PCSK6: variants seen among roughly 807,000 people sequenced by gnomAD.
PCSK6 encodes the protein proprotein convertase subtilisin/kexin type 6.
A neutral mutation model predicts 123.3 loss-of-function variants in PCSK6; 85 were observed. That is an observed-to-expected ratio of 0.69 (90% CI 0.58 to 0.83). The LOEUF (loss-of-function observed/expected upper bound fraction) is 0.83. Ranked by LOEUF, PCSK6 falls within the 40% of genes least tolerant of loss-of-function variation. The pLI, the probability that PCSK6 is intolerant of heterozygous loss-of-function variation, is 0.00. For synonymous variants in PCSK6, 508 were observed against 516.0 expected, an observed-to-expected ratio of 0.98 and a Z score of 0.21; for missense variants, 1,191 against 1,282.3, an observed-to-expected ratio of 0.93 and a Z score of 1.09.
intron 1 of PCSK6, among the ~76,000 whole-genome samples, chr15:101,466,650 G>C (rs997776858): frequency 3.3e-5 from 5 of 152,124 alleles, no homozygotes; most frequent in African/African-American, 1.2e-4. Flanking sequence ...TCATTACAGT[G>C]GAATGTTATC....
At chr15:101,322,401 A>G in intron 18 of PCSK6, 119 bp downstream of exon 18, 1 of 679,368 alleles carries the variant, frequency 1.5e-6, no homozygotes, top group Non-Finnish European at 2.6e-6. Context: ...TTTACCCTCA[A>G]TGGCTTTGGG....
intron 6 of PCSK6, among the ~76,000 whole-genome samples, chr15:101,404,263 G>C (rs1215131798): frequency 6.6e-6 from 1 of 152,186 alleles, no homozygotes; most frequent in African/African-American, 2.4e-5. Context: ...TCTATTGTAA[G>C]TTCCTTTCCC....
At chr15:101,410,414 T>C (rs1353773271) in intron 6 of PCSK6, among the ~76,000 whole-genome samples, 1 of 152,132 alleles carries the variant, frequency 6.6e-6, no homozygotes, top group Non-Finnish European at 1.5e-5. Context: ...GAAGGAGAAC[T>C]ATGTGCCAGG....
intron 1 of PCSK6, among the ~76,000 whole-genome samples, chr15:101,465,409 G>A (rs2057434260): frequency 6.6e-6 from 1 of 152,228 alleles, no homozygotes; most frequent in African/African-American, 2.4e-5. Context: ...AGGACCATCT[G>A]ATGGTACGTC....
At chr15:101,307,141 T>A in intron 21 of PCSK6, 72 bp downstream of exon 21, 3 of 1,158,270 alleles carry the variant, frequency 2.6e-6, no homozygotes, top group Non-Finnish European at 3.8e-6. Context: ...GCTTTGCTTT[T>A]CTCTTTGGAG....
At chr15:101,359,998 C>A (rs8031210) in intron 13 of PCSK6, among the ~76,000 whole-genome samples, 11,626 of 152,156 alleles carry the variant, frequency 0.076, 1,223 homozygotes, top group African/African-American at 0.23. Context: ...ATCTTCCCCC[C>A]CTGCAATGTT....
intron 16 of PCSK6, among the ~76,000 whole-genome samples, chr15:101,326,112 A>C (rs2040246522): frequency 6.6e-6 from 1 of 152,244 alleles, no homozygotes; most frequent in South Asian, 2.1e-4. Context: ...ACTTCTCTTT[A>C]ACAACACAGA....
chr15:101,371,775 A>G (rs576860303), intron 11 of PCSK6, among the ~76,000 whole-genome samples: 134 of 152,320 alleles, frequency 8.8e-4, no homozygotes, highest in Non-Finnish European at 1.4e-3. Flanking sequence ...ACCCACAGTC[A>G]AGGACACAGC....
intron 2 of PCSK6, among the ~76,000 whole-genome samples, chr15:101,435,529 T>C (rs1303458815): frequency 6.6e-6 from 1 of 152,262 alleles, no homozygotes; most frequent in Admixed American, 6.5e-5. Context: ...ACTTTGAAGA[T>C]AGAACTTCAC....
At chr15:101,393,040 C>A (rs2141551679) in intron 8 of PCSK6, among the ~76,000 whole-genome samples, 172 bp downstream of exon 8, 1 of 152,328 alleles carries the variant, frequency 6.6e-6, no homozygotes, top group East Asian at 1.9e-4. Context: ...TGCCAAGGGA[C>A]TGGGGTTTAC....
At chr15:101,363,558 C>T (rs1304434458) in intron 13 of PCSK6, among the ~76,000 whole-genome samples, 3 of 152,172 alleles carry the variant, frequency 2.0e-5, no homozygotes, top group African/African-American at 7.2e-5. Flanking sequence ...AATTTAGGAG[C>T]TTCCACTATT....
intron 6 of PCSK6, among the ~76,000 whole-genome samples, chr15:101,405,829 G>A (rs753087038): frequency 1.1e-4 from 17 of 151,580 alleles, no homozygotes; most frequent in Middle Eastern, 3.4e-3. Flanking sequence ...CTGCAACCTC[G>A]CCTCCCAGGT....
chr15:101,389,661 G>T, intron 8 of PCSK6, 97 bp from the exon 9 acceptor site: 1 of 915,696 alleles, frequency 1.1e-6, no homozygotes, highest in Non-Finnish European at 1.7e-6. Context: ...TAACTGGCAA[G>T]CGTGACCCTG....
At chr15:101,487,139 A>G (rs2058038184) in intron 1 of PCSK6, among the ~76,000 whole-genome samples, 2 of 152,042 alleles carry the variant, frequency 1.3e-5, no homozygotes, top group Non-Finnish European at 2.9e-5. Context: ...CCACATTAGC[A>G]GTGCACTTAG....
rs149902723 is a variant in PCSK6, at chr15:101,412,691, T to TTATATATATATATATATATATATATA, written c.824-14116_824-14115insTATATATATATATATATATATATATA. On this transcript the variant is annotated intron_variant, in intron 6 of 21. Coordinates refer to ENST00000611716, the MANE Select transcript of PCSK6 (RefSeq NM_002570.5). The stretch of plus-strand genomic sequence containing the variant: ...ACAGAAGAAAGAGTGAACTGGAAAA[T>TTATATATATATATATATATATATATA]TATATATATATATATATATATAAAA... 2.3e-3 allele frequency among the ~76,000 whole-genome samples: 283 copies of TTATATATATATATATATATATATATA among 124,416 alleles called. 7 individuals are homozygous for TTATATATATATATATATATATATATA. The highest frequency in any genetic ancestry group is 4.8e-3 in the African/African-American group (139 of 28,800). The allele number at this position is 124,416 out of a possible 152,430, so 81.6% of individuals were successfully genotyped here.
chr15:101,450,267 G>C (rs1037220535), intron 1 of PCSK6, among the ~76,000 whole-genome samples: 2 of 151,502 alleles, frequency 1.3e-5, no homozygotes, highest in Non-Finnish European at 2.9e-5. Context: ...GAGAATACAC[G>C]ACCAGCCAGG....
intron 18 of PCSK6, among the ~76,000 whole-genome samples, chr15:101,321,446 A>T (rs2040119748): frequency 6.6e-6 from 1 of 152,204 alleles, no homozygotes; most frequent in African/African-American, 2.4e-5. Context: ...CCTCCTGGGG[A>T]AACTTCATCT....
At chr15:101,379,461 G>A (rs1047959225) in intron 11 of PCSK6, among the ~76,000 whole-genome samples, 3 of 152,214 alleles carry the variant, frequency 2.0e-5, no homozygotes, top group African/African-American at 7.2e-5. Flanking sequence ...CTGTTCAAGA[G>A]AAAAGACAGT....
At chr15:101,457,644 G>A (rs192912237) in intron 1 of PCSK6, among the ~76,000 whole-genome samples, 14 of 152,318 alleles carry the variant, frequency 9.2e-5, no homozygotes, top group African/African-American at 3.1e-4. Flanking sequence ...GGCCCCTGTG[G>A]GGAAGATAAT....
Sources: gnomAD v4.1 joint callset for allele counts (sites outside exome capture counted in the v4.1 genomes callset) on GRCh38, gnomAD v4.1.1 for gene constraint, MANE v1.5 for transcripts, NCBI Gene and HGNC (gene_info 2026-07-23, HGNC 2026-07-21) for gene names.